Variants in CFL2 observed in about 807,000 individuals in gnomAD.
CFL2 encodes the protein cofilin 2, also known as cofilin-2.
A neutral mutation model predicts 19.6 loss-of-function variants in CFL2; 10 were observed. The ratio of observed to expected loss-of-function variants is 0.51; its 90% CI spans 0.31 to 0.86. CFL2 has a LOEUF of 0.86. Ranked by LOEUF, CFL2 falls within the 40% of genes least tolerant of loss-of-function variation. The pLI is 0.04. For missense variants in CFL2, 125 were observed against 192.1 expected, an observed-to-expected ratio of 0.65 and a Z score of 2.06; for synonymous variants, 63 against 66.7, an observed-to-expected ratio of 0.95 and a Z score of 0.27.
At position 34,709,650 on chromosome 14, in the gene CFL2, T is replaced by C. The variant is rs1179325707; in HGVS notation, c.*3215A>G. 6.8e-6 allele frequency: 1 copy of C among 146,576 alleles called. No homozygotes were observed. The highest frequency in any genetic ancestry group is 1.5e-5 in the Non-Finnish European group (1 of 66,896). 9.1% of individuals were successfully genotyped at this position (146,576 alleles called of 1,614,324 possible). On this transcript the variant is annotated 3_prime_UTR_variant, in exon 4 of 4. Coordinates refer to ENST00000298159, the MANE Select transcript of CFL2 (RefSeq NM_138638.5). Reference sequence around the variant, plus strand: ...AAAAAAAAAAAAAAAAAATTAGGCATGGTGGTGCATGCCTGTAGTCCCAGC... The same window carrying C: ...AAAAAAAAAAAAAAAAAATTAGGCACGGTGGTGCATGCCTGTAGTCCCAGC...
In CFL2 at chr14:34,711,682, T is replaced by C. The variant is rs1401462895; in HGVS notation, c.*1183A>G. 5 of 446,216 alleles carry C rather than the reference T, an allele frequency of 1.1e-5. No homozygotes were observed. The highest frequency in any genetic ancestry group is 1.0e-4 in the African/African-American group (5 of 49,418). 27.6% of individuals were successfully genotyped at this position (446,216 alleles called of 1,614,324 possible). A position where few individuals can be genotyped will look rare whatever the true frequency, so the allele number is the denominator to read the frequency against. ...TGAATAAAAAAATAACTATGCTAATTTATCCAGAGAACAAATCAGATATTG... is the reference window on the plus strand; with the variant it reads ...TGAATAAAAAAATAACTATGCTAATCTATCCAGAGAACAAATCAGATATTG... On this transcript the variant is annotated 3_prime_UTR_variant, in exon 4 of 4. Coordinates refer to ENST00000298159, the MANE Select transcript of CFL2 (RefSeq NM_138638.5).
chr14:34,713,029 A>G, intron 3 of CFL2, 31 bp downstream of exon 3: 1 of 1,554,256 alleles, frequency 6.4e-7, no homozygotes, highest in Non-Finnish European at 8.8e-7. Context: ...ATAAAGAATA[A>G]TTTCTCTGCC....
Position 34,711,980 on chromosome 14 carries a change from C to T in CFL2, c.*885G>A, listed in dbSNP as rs1407211377. ...AGAAGTTGTTTCACATAACATTTTG[C>T]AAAATTTCCAAGGAAAACAAGGCAA... On this transcript the variant is annotated 3_prime_UTR_variant, in exon 4 of 4. Coordinates refer to ENST00000298159, the MANE Select transcript of CFL2 (RefSeq NM_138638.5). 1 of 454,316 alleles carries T rather than the reference C, an allele frequency of 2.2e-6. No individual in the cohort carries two copies. Among genetic ancestry groups the T allele is most frequent in the Non-Finnish European group, 4.4e-6 (1 of 226,700 alleles). The allele number at this position is 454,316 out of a possible 1,614,324, so 28.1% of individuals were successfully genotyped here. A position where few individuals can be genotyped will look rare whatever the true frequency, so the allele number is the denominator to read the frequency against.
At position 34,711,610 on chromosome 14, in the gene CFL2, A is replaced by G. The variant is rs756285057; in HGVS notation, c.*1255T>C. The G allele has an allele frequency of 2.2e-6, 1 of 453,142 alleles. No homozygotes were observed. Among genetic ancestry groups the G allele is most frequent in the Non-Finnish European group, 4.4e-6 (1 of 226,156 alleles). The allele number at this position is 453,142 out of a possible 1,614,324, so 28.1% of individuals were successfully genotyped here. A position where few individuals can be genotyped will look rare whatever the true frequency, so the allele number is the denominator to read the frequency against. ...TATTTTCATTACGACCAAATAAGCA[A>G]TAAGAGCTTCCTGCTTCTACTATAC... On this transcript the variant is annotated 3_prime_UTR_variant, in exon 4 of 4. Coordinates refer to ENST00000298159, the MANE Select transcript of CFL2 (RefSeq NM_138638.5).
At position 34,711,899 on chromosome 14, in the gene CFL2, A is replaced by G. The variant is rs1229257751; in HGVS notation, c.*966T>C. 1 of 454,220 alleles carries G rather than the reference A, an allele frequency of 2.2e-6. No homozygotes were observed. Among genetic ancestry groups the G allele is most frequent in the East Asian group, 6.9e-5 (1 of 14,416 alleles). 28.1% of individuals were successfully genotyped at this position (454,220 alleles called of 1,614,324 possible). A position where few individuals can be genotyped will look rare whatever the true frequency, so the allele number is the denominator to read the frequency against. ...GGAAAATATCACACATGAATGCTGT[A>G]CAAAAAAAATTCTCAAATGACCAGT... On this transcript the variant is annotated 3_prime_UTR_variant, in exon 4 of 4. Transcript: ENST00000298159.
At chr14:34,714,375 C>G in intron 1 of CFL2, 163 bp downstream of exon 1, 1 of 1,210,538 alleles carries the variant, frequency 8.3e-7, no homozygotes, top group East Asian at 3.2e-5. Context: ...CAGGGCCTGA[C>G]GGCCGGAGGG....
Position 34,712,691 on chromosome 14 carries a change from A to C in CFL2, c.*174T>G. On this transcript the variant is annotated 3_prime_UTR_variant, in exon 4 of 4. Coordinates refer to ENST00000298159, the MANE Select transcript of CFL2 (RefSeq NM_138638.5). ...AAAAGTAACAGTATTCAACAGTCTA[A>C]TGGCAATCACTGATAGGCTGCTTAA... The C allele has an allele frequency of 1.4e-6, 1 of 696,370 alleles. No individual in the cohort carries two copies. Among genetic ancestry groups the C allele is most frequent in the East Asian group, 2.7e-5 (1 of 36,546 alleles). 43.1% of individuals were successfully genotyped at this position (696,370 alleles called of 1,614,324 possible). A position where few individuals can be genotyped will look rare whatever the true frequency, so the allele number is the denominator to read the frequency against.
chr14:34,714,062 T>G (rs1369845428), intron 1 of CFL2: 3 of 405,072 alleles, frequency 7.4e-6, no homozygotes, highest in Admixed American at 8.0e-5. Flanking sequence ...ACTCCAAAAC[T>G]AACTGATCGA....
intron 1 of CFL2, chr14:34,713,844 G>A: frequency 1.3e-6 from 2 of 1,542,250 alleles, no homozygotes; most frequent in South Asian, 1.2e-5. Flanking sequence ...TTCACTGGGT[G>A]ATGTCAGAGC....
Position 34,712,831 on chromosome 14 carries a change from C to T in CFL2, c.*34G>A. ...ATGGACTGAGCTGGAGAAATGGAAG[C>T]TCCTTAAGATCCAGATGGCACTTGA... is the stretch of plus-strand genomic sequence containing the variant. On this transcript the variant is annotated 3_prime_UTR_variant, in exon 4 of 4. Coordinates refer to ENST00000298159, the MANE Select transcript of CFL2 (RefSeq NM_138638.5). 1 of 1,154,094 alleles carries T rather than the reference C, an allele frequency of 8.7e-7. No individual in the cohort carries two copies. Among genetic ancestry groups the T allele is most frequent in the South Asian group, 1.2e-5 (1 of 81,952 alleles). 71.5% of individuals were successfully genotyped at this position (1,154,094 alleles called of 1,614,324 possible). A position where few individuals can be genotyped will look rare whatever the true frequency, so the allele number is the denominator to read the frequency against.
chr14:34,713,025 A>T, intron 3 of CFL2, 35 bp downstream of exon 3: 2 of 1,546,794 alleles, frequency 1.3e-6, no homozygotes. Flanking sequence ...ATTAATAAAG[A>T]ATAATTTCTC....
chr14:34,709,591 A>G lies in CFL2; in HGVS notation c.*3274T>C, dbSNP rs964357101. 6.8e-6 allele frequency: 1 copy of G among 147,752 alleles called. No homozygotes were observed. The highest frequency in any genetic ancestry group is 2.2e-4 in the South Asian group (1 of 4,650). 9.2% of individuals were successfully genotyped at this position (147,752 alleles called of 1,614,324 possible). On this transcript the variant is annotated 3_prime_UTR_variant, in exon 4 of 4. Coordinates refer to ENST00000298159, the MANE Select transcript of CFL2 (RefSeq NM_138638.5). ...GGAGTTGGAGATCAGCCTAGGCAAC[A>G]TGGCCAAACTCAGTCTCTACAAAAG...
At position 34,710,509 on chromosome 14, in the gene CFL2, C is replaced by T. The variant is rs1436701434; in HGVS notation, c.*2356G>A. ...TTGCAAGCTAGCAGTAAAATATTGC[C>T]TTCAATATTTTACTAATTAGCACCG... is the stretch of plus-strand genomic sequence containing the variant. On this transcript the variant is annotated 3_prime_UTR_variant, in exon 4 of 4. Coordinates refer to ENST00000298159, the MANE Select transcript of CFL2 (RefSeq NM_138638.5). 4.6e-6 allele frequency: 2 copies of T among 439,372 alleles called. No individual in the cohort carries two copies. The highest frequency in any genetic ancestry group is 2.5e-5 in the Admixed American group (1 of 39,860). The allele number at this position is 439,372 out of a possible 1,614,324, so 27.2% of individuals were successfully genotyped here.
In CFL2 at chr14:34,709,713, G is replaced by T. The variant is rs946243719; in HGVS notation, c.*3152C>A. ...TGAGGTGGGAGGATCATCTGAGCTG[G>T]GAAGGTTGAGTTTGAAGTGAGCTGA... On this transcript the variant is annotated 3_prime_UTR_variant, in exon 4 of 4. Transcript: ENST00000298159. 1.3e-5 allele frequency: 2 copies of T among 149,570 alleles called. No individual in the cohort carries two copies. Among genetic ancestry groups the T allele is most frequent in the African/African-American group, 5.0e-5 (2 of 40,306 alleles). 9.3% of individuals were successfully genotyped at this position (149,570 alleles called of 1,614,324 possible). A position where few individuals can be genotyped will look rare whatever the true frequency, so the allele number is the denominator to read the frequency against.
In CFL2 at chr14:34,709,417, C is replaced by T. The variant is rs552961913; in HGVS notation, c.*3448G>A. The T allele has an allele frequency of 1.4e-4, 22 of 152,044 alleles. No individual in the cohort carries two copies. Among genetic ancestry groups the T allele is most frequent in the African/African-American group, 5.3e-4 (22 of 41,454 alleles). 9.4% of individuals were successfully genotyped at this position (152,044 alleles called of 1,614,324 possible). A position where few individuals can be genotyped will look rare whatever the true frequency, so the allele number is the denominator to read the frequency against. On this transcript the variant is annotated 3_prime_UTR_variant, in exon 4 of 4. Transcript: ENST00000298159. ...TGGATGTTCCAGAGCAAAAGAAAAGCCTCAGACTTCTTTATGGGCTGAAAG... is the reference window on the plus strand; with the variant it reads ...TGGATGTTCCAGAGCAAAAGAAAAGTCTCAGACTTCTTTATGGGCTGAAAG...
At position 34,712,334 on chromosome 14, in the gene CFL2, G is replaced by A. The variant is rs1252651844; in HGVS notation, c.*531C>T. 6 of 454,342 alleles carry A rather than the reference G, an allele frequency of 1.3e-5. No individual in the cohort carries two copies. Among genetic ancestry groups the A allele is most frequent in the Non-Finnish European group, 2.6e-5 (6 of 226,782 alleles). The allele number at this position is 454,342 out of a possible 1,614,324, so 28.1% of individuals were successfully genotyped here. On this transcript the variant is annotated 3_prime_UTR_variant, in exon 4 of 4. Coordinates refer to ENST00000298159, the MANE Select transcript of CFL2 (RefSeq NM_138638.5). ...AAAACTTAATTGGCATTCCTTTTAGGATATTAAACTTATTACAAAAAGTGC... is the reference window on the plus strand; with the variant it reads ...AAAACTTAATTGGCATTCCTTTTAGAATATTAAACTTATTACAAAAAGTGC...
chr14:34,714,511 G>T, intron 1 of CFL2, 27 bp downstream of exon 1: 2 of 1,572,472 alleles, frequency 1.3e-6, no homozygotes, highest in African/African-American at 1.4e-5. Context: ...CCTCGCCGCG[G>T]CCTCCCGGCC....
At chr14:34,714,092 G>C (rs1885412972) in intron 1 of CFL2, 1 of 370,250 alleles carries the variant, frequency 2.7e-6, no homozygotes, top group Admixed American at 4.4e-5. Flanking sequence ...CTTTTACGGC[G>C]AGAAAGCATT....
At position 34,709,845 on chromosome 14, in the gene CFL2, GC is replaced by G. The variant is rs1450949923; in HGVS notation, c.*3019del. The G allele has an allele frequency of 2.7e-5, 4 of 147,634 alleles. No individual in the cohort carries two copies. Among genetic ancestry groups the G allele is most frequent in the Non-Finnish European group, 4.4e-5 (3 of 67,562 alleles). The allele number at this position is 147,634 out of a possible 1,614,324, so 9.1% of individuals were successfully genotyped here. Reference sequence around the variant, plus strand: ...GGGACCTGCCTGCCCACCTCTAGTAGCTTTAATACTATTCATAAAAAAATGA... The same window carrying G: ...GGGACCTGCCTGCCCACCTCTAGTAGTTTAATACTATTCATAAAAAAATGA... On this transcript the variant is annotated 3_prime_UTR_variant, in exon 4 of 4. Transcript: ENST00000298159.
Sources: gnomAD v4.1 joint callset for allele counts on GRCh38, gnomAD v4.1.1 for gene constraint, MANE v1.5 for transcripts, NCBI Gene and HGNC (gene_info 2026-07-23, HGNC 2026-07-21) for gene names.